RPA3: variants seen among roughly 807,000 people sequenced by gnomAD.
The protein encoded by RPA3 is replication protein A3.
RPA3 carries 24 observed loss-of-function variants against 13.7 expected under a neutral mutation model. That is an observed-to-expected ratio of 1.75 (90% CI 1.27 to 2.46). The LOEUF (loss-of-function observed/expected upper bound fraction) is 2.46. Ranked by LOEUF, RPA3 falls within the 30% of genes most tolerant of loss-of-function variation. The probability of loss-of-function intolerance (pLI) is 0.00; values close to 1 mark genes in which losing one functional copy is unlikely to be tolerated. For missense variants in RPA3, 183 were observed against 151.0 expected (o/e 1.21, Z -1.11); for synonymous variants, 59 against 51.2 (o/e 1.15, Z -0.65).
intron 4 of RPA3, among the ~76,000 whole-genome samples, chr7:7,644,004 C>G (rs997445572): frequency 6.6e-6 from 1 of 152,144 alleles, no homozygotes; most frequent in Non-Finnish European, 1.5e-5. Flanking sequence ...ACTTGGATCT[C>G]TGCCACTAGT....
At chr7:7,716,488 G>C (rs1780907679) in intron 1 of RPA3, among the ~76,000 whole-genome samples, 1 of 152,198 alleles carries the variant, frequency 6.6e-6, no homozygotes, top group South Asian at 2.1e-4. Flanking sequence ...TTGCACAGGT[G>C]AATGCTGGTA....
At chr7:7,677,656 GTTTTTTTGTTTTTTTTTT>G (rs1563112322) in intron 4 of RPA3, among the ~76,000 whole-genome samples, 1 of 41,438 alleles carries the variant, frequency 2.4e-5, no homozygotes, top group African/African-American at 6.2e-5. Flanking sequence ...CTATTCATCT[GTTTTTTTGTTTTTTTTTT>G]TTTTTTTTTT....
rs541679771 is a variant in RPA3 at position 7,714,315 on chromosome 7, C to G, written c.-1028+860G>C. The stretch of plus-strand genomic sequence containing the variant: ...TCTAGTTTATTCTCTGATGAGCAGA[C>G]TTTCTTTGGCTGCTCCAGCAGAGTG... On this transcript the variant is annotated intron_variant, in intron 2 of 7. Coordinates refer to ENST00000223129, the MANE Select transcript of RPA3 (RefSeq NM_002947.5). 1.4e-3 allele frequency among the ~76,000 whole-genome samples: 219 copies of G among 152,354 alleles called. 2 individuals carry two copies. The highest frequency in any genetic ancestry group is 5.0e-3 in the African/African-American group (206 of 41,592).
intron 4 of RPA3, among the ~76,000 whole-genome samples, chr7:7,646,480 ATT>A (rs35948027): frequency 0.057 from 6,382 of 111,176 alleles, 166 homozygotes; most frequent in Non-Finnish European, 0.066. Context: ...CTTTCGCTGG[ATT>A]TTTTTTTTTT....
chr7:7,663,632 C>T (rs1470947854), intron 4 of RPA3, among the ~76,000 whole-genome samples: 1 of 152,100 alleles, frequency 6.6e-6, no homozygotes. Flanking sequence ...AAATACTGAA[C>T]TTGTTAATTA....
In RPA3 at chr7:7,700,504, C is replaced by T. The variant is rs191112284; in HGVS notation, c.-1027-13176G>A. Among the ~76,000 whole-genome samples, 8 of 152,160 alleles carry T rather than the reference C, an allele frequency of 5.3e-5. No homozygotes were observed. The South Asian group carries it at 6.2e-4, about 12-fold the overall frequency. The stretch of plus-strand genomic sequence containing the variant: ...TTGTGGGAGGCCAATGTGGGAAGAT[C>T]GCTTGAGGCCATAAGTTCTAGACCA... On this transcript the variant is annotated intron_variant, in intron 2 of 7. Coordinates refer to ENST00000223129, the MANE Select transcript of RPA3 (RefSeq NM_002947.5).
intron 4 of RPA3, among the ~76,000 whole-genome samples, chr7:7,667,133 C>T (rs1416987764): frequency 1.3e-5 from 2 of 152,136 alleles, no homozygotes; most frequent in African/African-American, 4.8e-5. Context: ...TTATCCCCCA[C>T]CTGTATAGAG....
intron 4 of RPA3, among the ~76,000 whole-genome samples, chr7:7,669,352 C>A (rs1174761191): frequency 2.0e-5 from 3 of 152,082 alleles, no homozygotes; most frequent in East Asian, 3.9e-4. Flanking sequence ...TAGTCTTAGG[C>A]AGGGTAACTA....
intron 4 of RPA3, among the ~76,000 whole-genome samples, chr7:7,674,316 C>T (rs184164751): frequency 2.0e-4 from 31 of 152,312 alleles, no homozygotes; most frequent in Admixed American, 1.9e-3. Flanking sequence ...ATCAGACTGG[C>T]ATCTGCTAGC....
At chr7:7,656,560 T>C (rs1785348974) in intron 4 of RPA3, among the ~76,000 whole-genome samples, 1 of 150,526 alleles carries the variant, frequency 6.6e-6, no homozygotes, top group Non-Finnish European at 1.5e-5. Context: ...AGTGAAAACA[T>C]GTGGTGTTTG....
intron 2 of RPA3, among the ~76,000 whole-genome samples, chr7:7,687,788 A>T (rs1007961020): frequency 2.0e-5 from 3 of 152,238 alleles, no homozygotes; most frequent in African/African-American, 7.2e-5. Context: ...ATGATATTCA[A>T]GGTTTACACT....
chr7:7,642,468 GAT>G (rs1491346833), intron 4 of RPA3, among the ~76,000 whole-genome samples: 3 of 33,244 alleles, frequency 9.0e-5, no homozygotes, highest in African/African-American at 2.1e-4. Context: ...CTGTAATAGT[GAT>G]TTTTTTTTTT....
At chr7:7,689,735 A>G (rs1211028359) in intron 2 of RPA3, among the ~76,000 whole-genome samples, 1 of 152,172 alleles carries the variant, frequency 6.6e-6, no homozygotes, top group Non-Finnish European at 1.5e-5. Context: ...AATAGTCTGG[A>G]GTTCAATTTT....
chr7:7,671,776 T>C (rs1779611076), intron 4 of RPA3, among the ~76,000 whole-genome samples: 1 of 152,210 alleles, frequency 6.6e-6, no homozygotes, highest in East Asian at 1.9e-4. Flanking sequence ...CTCTCCTTGC[T>C]CTCTATAGAG....
In RPA3 at chr7:7,696,649, G is replaced by C. The variant is rs147973569; in HGVS notation, c.-1027-9321C>G. On this transcript the variant is annotated intron_variant, in intron 2 of 7. Coordinates refer to ENST00000223129, the MANE Select transcript of RPA3 (RefSeq NM_002947.5). ...GTTGCCAGTAGCTCTCCCTCATACA[G>C]AACAAATGACTCACATGCTCAAGCT... Among the ~76,000 whole-genome samples, 376 of 152,146 alleles carry C rather than the reference G, an allele frequency of 2.5e-3. 1 individual carries two copies. The highest frequency in any genetic ancestry group is 8.7e-3 in the African/African-American group (360 of 41,534).
At position 7,640,565 on chromosome 7, in the gene RPA3, T is replaced by C; in HGVS notation, c.-147A>G. The C allele has an allele frequency of 1.4e-6, 1 of 701,630 alleles. No homozygotes were observed. Among genetic ancestry groups the C allele is most frequent in the Non-Finnish European group, 2.4e-6 (1 of 408,662 alleles). The allele number at this position is 701,630 out of a possible 1,614,324, so 43.5% of individuals were successfully genotyped here. A position where few individuals can be genotyped will look rare whatever the true frequency, so the allele number is the denominator to read the frequency against. On this transcript the variant is annotated 5_prime_UTR_variant, in exon 5 of 8. Coordinates refer to ENST00000223129, the MANE Select transcript of RPA3 (RefSeq NM_002947.5). ...CCAATTAAATGCGCGGAAACCTAAA[T>C]CGCAATCGCGCTGTCTCTGAAAGGG...
chr7:7,641,952 T>C (rs1255792831), intron 4 of RPA3, among the ~76,000 whole-genome samples: 2 of 152,228 alleles, frequency 1.3e-5, no homozygotes, highest in Non-Finnish European at 1.5e-5. Flanking sequence ...AACGGTACTT[T>C]AAAGGATTTC....
intron 2 of RPA3, among the ~76,000 whole-genome samples, chr7:7,698,055 A>G (rs900756511): frequency 6.6e-6 from 1 of 152,184 alleles, no homozygotes; most frequent in Non-Finnish European, 1.5e-5. Context: ...GAATTTCTGC[A>G]CTTCACGTTC....
At chr7:7,683,507 CAAAT>C (rs1779962681) in intron 4 of RPA3, among the ~76,000 whole-genome samples, 1 of 152,004 alleles carries the variant, frequency 6.6e-6, no homozygotes, top group Admixed American at 6.6e-5. Flanking sequence ...AAACAAAAAG[CAAAT>C]AAAACCACAG....
Sources: gnomAD v4.1 joint callset for allele counts (sites outside exome capture counted in the v4.1 genomes callset) on GRCh38, gnomAD v4.1.1 for gene constraint, MANE v1.5 for transcripts, NCBI Gene and HGNC (gene_info 2026-07-23, HGNC 2026-07-21) for gene names.